Variants in TP53I11 observed in about 807,000 individuals in gnomAD.
The protein encoded by TP53I11 is tumor protein p53 inducible protein 11.
A neutral mutation model predicts 23.3 loss-of-function variants in TP53I11; 9 were observed. The observed-to-expected ratio is 0.39, with a 90% confidence interval of 0.23 to 0.67. The LOEUF (loss-of-function observed/expected upper bound fraction) is 0.67, where lower values mean the gene tolerates loss of function less well. TP53I11 is among the 30% of genes least tolerant of loss of function. The probability of loss-of-function intolerance (pLI) is 0.48; values close to 1 mark genes in which losing one functional copy is unlikely to be tolerated. For synonymous variants in TP53I11, 100 were observed against 106.1 expected (o/e 0.94, Z 0.35); for missense variants, 170 against 255.2 (o/e 0.67, Z 2.27).
rs536937232 is a variant in TP53I11 at position 44,936,223 on chromosome 11, G to A, written c.335-561C>T. 1.2e-4 allele frequency: 122 copies of A among 1,032,780 alleles called. 1 individual carries two copies. The South Asian group carries it at 4.0e-3, about 34-fold the overall frequency. The allele number at this position is 1,032,780 out of a possible 1,614,324, so 64.0% of individuals were successfully genotyped here. On this transcript the variant is annotated intron_variant, in intron 5 of 6. Coordinates refer to ENST00000525680, the MANE Select transcript of TP53I11 (RefSeq NM_006034.5). The surrounding 1 kb of genome is among the most constrained non-coding windows in gnomAD (Gnocchi z 4.4). ...GCTGGTACCAGACATGCCACTGGGT[G>A]TGCATTTATTTTATTCCAGCAACCC...
At position 44,943,350 on chromosome 11, in the gene TP53I11, TC is replaced by T; in HGVS notation, c.-31-4985del. The stretch of plus-strand genomic sequence containing the variant: ...GCCTTCTGAAGGGCCCCCGGGGGTT[TC>T]CCCCAGGAGCCAGGCTGCAGGAGGC... On this transcript the variant is annotated intron_variant, in intron 1 of 6. Transcript: ENST00000525680. Among the ~76,000 whole-genome samples the T allele has an allele frequency of 2.6e-5, 4 of 151,968 alleles. 1 individual carries two copies. The highest frequency in any genetic ancestry group is 6.8e-3 in the Middle Eastern group (2 of 294).
At chr11:44,935,688 T>TGGGGGGGGGGTTTTAATGGGGGGGG in intron 5 of TP53I11, 26 bp from the exon 6 acceptor site, 1 of 424,488 alleles carries the variant, frequency 2.4e-6, no homozygotes, top group Non-Finnish European at 4.4e-6. Context: ...AAAAGGGGGC[T>TGGGGGGGGGGTTTTAATGGGGGGGG]GGGGGTGGGA....
intron 5 of TP53I11, chr11:44,935,932 G>C (rs538788838): frequency 1.8e-5 from 10 of 544,016 alleles, no homozygotes; most frequent in South Asian, 1.7e-4. Flanking sequence ...ATTGAGACTC[G>C]ATCTCTTTAT....
Position 44,936,750 on chromosome 11 carries a change from G to A in TP53I11, c.334+53C>T. ...CCCCCGTGCTCTCCTCAGCCCCGCT[G>A]GGTCTCCCAGCTGCCCGTCGCCTCC... is the stretch of plus-strand genomic sequence containing the variant. On this transcript the variant is annotated intron_variant, in intron 5 of 6. Coordinates refer to ENST00000525680, the MANE Select transcript of TP53I11 (RefSeq NM_006034.5). This position sits in a 1 kb window ranked among gnomAD's most constrained non-coding sequence, Gnocchi z 4.4. 6.8e-7 allele frequency: 1 copy of A among 1,463,870 alleles called. No individual in the cohort carries two copies. The highest frequency in any genetic ancestry group is 9.0e-7 in the Non-Finnish European group (1 of 1,106,422). 90.7% of individuals were successfully genotyped at this position (1,463,870 alleles called of 1,614,324 possible).
intron 1 of TP53I11, among the ~76,000 whole-genome samples, chr11:44,942,140 ATACAT>A (rs1861878663): frequency 1.6e-5 from 2 of 128,636 alleles, no homozygotes; most frequent in African/African-American, 3.0e-5. Context: ...CCCACCACAC[ATACAT>A]CACACACACC....
In TP53I11 at chr11:44,934,477, G is replaced by T. The variant is rs571237869; in HGVS notation, c.*407C>A. The stretch of plus-strand genomic sequence containing the variant: ...GGCTGGGAGTGTAGGGAGAAGGATG[G>T]GGGGTGGTCACAGCCTCTCTCAAAA... On this transcript the variant is annotated 3_prime_UTR_variant, in exon 7 of 7. Transcript: ENST00000525680. The T allele has an allele frequency of 8.9e-5, 16 of 180,034 alleles. No homozygotes were observed. The highest frequency in any genetic ancestry group is 3.7e-4 in the African/African-American group (16 of 42,788). The allele number at this position is 180,034 out of a possible 1,614,324, so 11.2% of individuals were successfully genotyped here.
In TP53I11 at chr11:44,936,352, A is replaced by G; in HGVS notation, c.334+451T>C. 24 of 1,224,940 alleles carry G rather than the reference A, an allele frequency of 2.0e-5. No individual in the cohort carries two copies. Among genetic ancestry groups the G allele is most frequent in the Non-Finnish European group, 2.4e-5 (24 of 984,398 alleles). The allele number at this position is 1,224,940 out of a possible 1,614,324, so 75.9% of individuals were successfully genotyped here. A position where few individuals can be genotyped will look rare whatever the true frequency, so the allele number is the denominator to read the frequency against. On this transcript the variant is annotated intron_variant, in intron 5 of 6. Coordinates refer to ENST00000525680, the MANE Select transcript of TP53I11 (RefSeq NM_006034.5). The surrounding 1 kb of genome is among the most constrained non-coding windows in gnomAD (Gnocchi z 4.4). Reference sequence around the variant, plus strand: ...CCTATGCTGAGCTTTAAAAATTGTAATTCCAAATCCTAACGTGTGCATCTC... The same window carrying G: ...CCTATGCTGAGCTTTAAAAATTGTAGTTCCAAATCCTAACGTGTGCATCTC...
chr11:44,946,732 T>C (rs1862424999), intron 1 of TP53I11, among the ~76,000 whole-genome samples: 1 of 152,214 alleles, frequency 6.6e-6, no homozygotes. Context: ...AGGCAGATTC[T>C]GCCATCACTG....
In TP53I11 at chr11:44,938,230, C is replaced by T; in HGVS notation, c.106G>A (p.Asp36Asn). ...KILGVGGEDD[D>N]GEVHRSKISQ... The stretch of plus-strand genomic sequence containing the variant: ...ACCTTGGAGCGATGCACCTCCCCGT[C>T]GTCATCCTCCCCGCCCACGCCGAGG... The change falls in exon 2 of 7, where the codon GAC becomes AAC. Residue 36 changes from aspartate (D) to asparagine (N), a missense_variant. Transcript: ENST00000525680. 1 of 1,613,224 alleles carries T rather than the reference C, an allele frequency of 6.2e-7. No individual in the cohort carries two copies. Among genetic ancestry groups the T allele is most frequent in the Non-Finnish European group, 8.5e-7 (1 of 1,179,738 alleles).
rs368536057 is a variant in TP53I11 at position 44,945,484 on chromosome 11, G to A, written c.-32+5193C>T. Among the ~76,000 whole-genome samples the A allele has an allele frequency of 3.9e-4, 59 of 152,170 alleles. No homozygotes were observed. In the East Asian group the frequency reaches 4.8e-3, roughly 12 times the overall value. On this transcript the variant is annotated intron_variant, in intron 1 of 6. Transcript: ENST00000525680. ...GCTGATGTGTGTGTGCAATGTGTGC[G>A]GTGGTGGGGGTGGGGGGGCGTTTGG...
Position 44,934,677 on chromosome 11 carries a change from C to A in TP53I11, c.*207G>T. 1 of 650,242 alleles carries A rather than the reference C, an allele frequency of 1.5e-6. No individual in the cohort carries two copies. Among genetic ancestry groups the A allele is most frequent in the Non-Finnish European group, 2.6e-6 (1 of 389,098 alleles). The allele number at this position is 650,242 out of a possible 1,614,324, so 40.3% of individuals were successfully genotyped here. A position where few individuals can be genotyped will look rare whatever the true frequency, so the allele number is the denominator to read the frequency against. ...AGGGCAGCAGAGGCCCTGTCTCTCC[C>A]CAGACCAGCATGTCAAGCCTGAAAG... On this transcript the variant is annotated 3_prime_UTR_variant, in exon 7 of 7. Coordinates refer to ENST00000525680, the MANE Select transcript of TP53I11 (RefSeq NM_006034.5).
At position 44,934,752 on chromosome 11, in the gene TP53I11, C is replaced by T. The variant is rs1860887027; in HGVS notation, c.*132G>A. On this transcript the variant is annotated 3_prime_UTR_variant, in exon 7 of 7. Transcript: ENST00000525680. ...TGCCCAGGAGGAAAGGAAGGCCCCCCACCCCCTGCCTCCCTGGGGCAGGAC... is the reference window on the plus strand; with the variant it reads ...TGCCCAGGAGGAAAGGAAGGCCCCCTACCCCCTGCCTCCCTGGGGCAGGAC... 2 of 1,309,960 alleles carry T rather than the reference C, an allele frequency of 1.5e-6. No individual in the cohort carries two copies. Among genetic ancestry groups the T allele is most frequent in the African/African-American group, 3.0e-5 (2 of 67,324 alleles). 81.1% of individuals were successfully genotyped at this position (1,309,960 alleles called of 1,614,324 possible).
rs773540723 is a variant in TP53I11 at position 44,936,575 on chromosome 11, C to CAGAT, written c.334+224_334+227dup. 1.5e-5 allele frequency: 20 copies of CAGAT among 1,309,928 alleles called. No individual in the cohort carries two copies. The highest frequency in any genetic ancestry group is 7.3e-5 in the Admixed American group (2 of 27,252). The allele number at this position is 1,309,928 out of a possible 1,614,324, so 81.1% of individuals were successfully genotyped here. ...TGCACACACTTATGAGCGCTCCTTG[C>CAGAT]AGATGGTGGCGACTGCAAGCTCCAA... On this transcript the variant is annotated intron_variant, in intron 5 of 6. Transcript: ENST00000525680. The surrounding 1 kb of genome is among the most constrained non-coding windows in gnomAD (Gnocchi z 4.4).
chr11:44,949,033 T>C (rs1161645098), intron 1 of TP53I11, among the ~76,000 whole-genome samples: 2 of 152,152 alleles, frequency 1.3e-5, no homozygotes, highest in African/African-American at 4.8e-5. Context: ...TGACGACATG[T>C]GACTGGGAAA....
intron 2 of TP53I11, 85 bp from the exon 3 acceptor site, chr11:44,937,698 C>T: frequency 2.1e-6 from 3 of 1,448,686 alleles, no homozygotes; most frequent in Non-Finnish European, 1.9e-6. Flanking sequence ...GCCCTGCACA[C>T]CCAGGGACCA....
chr11:44,936,986 C>T lies in TP53I11; in HGVS notation c.238-87G>A. The T allele has an allele frequency of 3.1e-6, 3 of 977,094 alleles. No homozygotes were observed. The South Asian group carries it at 4.9e-5, about 16-fold the overall frequency. The allele number at this position is 977,094 out of a possible 1,614,324, so 60.5% of individuals were successfully genotyped here. A position where few individuals can be genotyped will look rare whatever the true frequency, so the allele number is the denominator to read the frequency against. On this transcript the variant is annotated intron_variant, in intron 4 of 6. Transcript: ENST00000525680. The surrounding 1 kb of genome is among the most constrained non-coding windows in gnomAD (Gnocchi z 4.4). The stretch of plus-strand genomic sequence containing the variant: ...TGCTTCCCACAGACGTCTTCCTTCC[C>T]CGCCAGGAGCAGGATCAGCATCCTT...
rs188068095 is a variant in TP53I11, at chr11:44,946,010, G to T, written c.-32+4667C>A. On this transcript the variant is annotated intron_variant, in intron 1 of 6. Transcript: ENST00000525680. ...GTACTGGAGAGGCTTAGGGACTAAG[G>T]GACTTGTGTTCAGATCTTGGCTCTG... is the stretch of plus-strand genomic sequence containing the variant. 7.2e-5 allele frequency among the ~76,000 whole-genome samples: 11 copies of T among 152,278 alleles called. No homozygotes were observed. In the East Asian group the frequency reaches 2.1e-3, roughly 29 times the overall value.
At chr11:44,942,228 CCT>C (rs879498368) in intron 1 of TP53I11, among the ~76,000 whole-genome samples, 7,830 of 143,810 alleles carry the variant, frequency 0.054, 243 homozygotes, top group Middle Eastern at 0.13. Flanking sequence ...CCACCACACA[CCT>C]ACCACACACC....
Position 44,938,218 on chromosome 11 carries a change from GC to G in TP53I11, c.117del (p.His40IlefsTer9), listed in dbSNP as rs1392612262. The G allele has an allele frequency of 6.2e-7, 1 of 1,612,688 alleles. No homozygotes were observed. The highest frequency in any genetic ancestry group is 8.5e-7 in the Non-Finnish European group (1 of 1,179,638). On this transcript the variant is annotated frameshift_variant, in exon 2 of 7. Coordinates refer to ENST00000525680, the MANE Select transcript of TP53I11 (RefSeq NM_006034.5). LOFTEE classifies it high-confidence loss of function. ...GVGGEDDDGE[V>X]HRSKISQVLG... is the part of the protein sequence containing the mutation. ...GCTCTGCACCCCACCTTGGAGCGAT[GC>G]ACCTCCCCGTCGTCATCCTCCCCGC...
Sources: allele counts gnomAD v4.1 joint callset (sites outside exome capture counted in the v4.1 genomes callset), GRCh38; gene constraint gnomAD v4.1.1; non-coding constraint Gnocchi (gnomAD v3.1); transcripts MANE v1.5; gene names NCBI Gene and HGNC (gene_info 2026-07-23, HGNC 2026-07-21).